Variants in C3orf20 observed in about 807,000 individuals in gnomAD.
The protein encoded by C3orf20 is uncharacterized protein C3orf20.
In C3orf20, 76 loss-of-function variants were observed where a neutral mutation model predicts 88.3. That is an observed-to-expected ratio of 0.86 (90% CI 0.72 to 1.04). The LOEUF is 1.04. C3orf20 is among the 50% of genes least tolerant of loss of function. The probability of loss-of-function intolerance (pLI) is 0.00; values close to 1 mark genes in which losing one functional copy is unlikely to be tolerated. For missense variants in C3orf20, 1,056 were observed against 1,123.3 expected (o/e 0.94, Z 0.86); for synonymous variants, 436 against 437.4 (o/e 1.00, Z 0.04).
In C3orf20 at chr3:14,771,225, C is replaced by G. The variant is rs199840919; in HGVS notation, c.2496-842C>G. On this transcript the variant is annotated intron_variant, in intron 15 of 16. Coordinates refer to ENST00000253697, the MANE Select transcript of C3orf20 (RefSeq NM_032137.5). ...TGATGCAGCAGGTCCTCACCAGGCA[C>G]TGAATCTGCAGGTTCCTTGATGACG... Among the ~76,000 whole-genome samples the G allele has an allele frequency of 4.6e-5, 7 of 152,368 alleles. No homozygotes were observed. The East Asian group carries it at 1.3e-3, about 29-fold the overall frequency.
Position 14,720,536 on chromosome 3 carries a change from T to G in C3orf20, c.1435-1117T>G, listed in dbSNP as rs531609292. On this transcript the variant is annotated intron_variant, in intron 9 of 16. Transcript: ENST00000253697. ...TGGAAGGAGCAAAGCAGAGAGTGGTTGTTGTTGTTGTTGTTGTTGTTGTTG... is the reference window on the plus strand; with the variant it reads ...TGGAAGGAGCAAAGCAGAGAGTGGTGGTTGTTGTTGTTGTTGTTGTTGTTG... 7.5e-3 allele frequency among the ~76,000 whole-genome samples: 38 copies of G among 5,084 alleles called. 1 individual carries two copies. Among genetic ancestry groups the G allele is most frequent in the South Asian group, 0.031 (6 of 196 alleles). The allele number at this position is 5,084 out of a possible 152,430, so 3.3% of individuals were successfully genotyped here. A position where few individuals can be genotyped will look rare whatever the true frequency, so the allele number is the denominator to read the frequency against.
intron 10 of C3orf20, among the ~76,000 whole-genome samples, chr3:14,726,105 A>G (rs1009446408): frequency 3.3e-5 from 5 of 152,232 alleles, no homozygotes; most frequent in African/African-American, 1.2e-4. Flanking sequence ...AGACTGTGGA[A>G]TGGAACCAAG....
rs2032151996 is a variant in C3orf20, at chr3:14,682,594, G to C, written c.-120G>C. 4.6e-6 allele frequency: 6 copies of C among 1,302,130 alleles called. No individual in the cohort carries two copies. The highest frequency in any genetic ancestry group is 6.3e-6 in the Non-Finnish European group (6 of 952,848). 80.7% of individuals were successfully genotyped at this position (1,302,130 alleles called of 1,614,324 possible). On this transcript the variant is annotated 5_prime_UTR_variant, in exon 3 of 17. An upstream start codon of the reference 5' UTR is lost. Coordinates refer to ENST00000253697, the MANE Select transcript of C3orf20 (RefSeq NM_032137.5). ...TCCGGATAGGAACCACTGGCTCAAT[G>C]ACCTGTAAGGGCCGTTTCAGCACAT...
chr3:14,759,879 C>A lies in C3orf20; in HGVS notation c.2245-12C>A, dbSNP rs753863330. 1.2e-6 allele frequency: 2 copies of A among 1,606,672 alleles called. No homozygotes were observed. Among genetic ancestry groups the A allele is most frequent in the South Asian group, 2.2e-5 (2 of 90,920 alleles). ...ATGGGGGTGACCAGTTCTCATATTTCTCTCCTGGTAGTGCCGGTATGACTC... is the reference window on the plus strand; with the variant it reads ...ATGGGGGTGACCAGTTCTCATATTTATCTCCTGGTAGTGCCGGTATGACTC... On this transcript the variant is annotated splice_polypyrimidine_tract_variant and intron_variant, in intron 13 of 16. Coordinates refer to ENST00000253697, the MANE Select transcript of C3orf20 (RefSeq NM_032137.5).
chr3:14,687,112 G>C (rs2032477584), intron 4 of C3orf20, among the ~76,000 whole-genome samples: 3 of 152,114 alleles, frequency 2.0e-5, no homozygotes, highest in Non-Finnish European at 2.9e-5. Flanking sequence ...ACTCCATGGA[G>C]AGAAAATAAA....
intron 1 of C3orf20, among the ~76,000 whole-genome samples, chr3:14,678,684 G>A (rs1242139651): frequency 1.3e-5 from 2 of 152,138 alleles, no homozygotes; most frequent in Non-Finnish European, 2.9e-5. Flanking sequence ...AGCCATCTGC[G>A]TGGGTCCCTT....
At chr3:14,707,248 CAA>C (rs10662478) in intron 7 of C3orf20, among the ~76,000 whole-genome samples, 1 of 93,766 alleles carries the variant, frequency 1.1e-5, no homozygotes, top group African/African-American at 4.5e-5. Context: ...GACTCCGTCT[CAA>C]AAAAAAAAAA....
chr3:14,770,072 G>T (rs574808716), intron 15 of C3orf20, among the ~76,000 whole-genome samples: 5 of 152,258 alleles, frequency 3.3e-5, no homozygotes, highest in African/African-American at 9.6e-5. Flanking sequence ...GCTCTAGGGG[G>T]GCCCTGGAGG....
In C3orf20 at chr3:14,714,046, ATGC is replaced by A; in HGVS notation, c.1204_1206del (p.Cys402del). 1 of 1,614,130 alleles carries A rather than the reference ATGC, an allele frequency of 6.2e-7. No homozygotes were observed. The highest frequency in any genetic ancestry group is 1.1e-5 in the South Asian group (1 of 91,080). On this transcript the variant is annotated inframe_deletion, in exon 8 of 17. Coordinates refer to ENST00000253697, the MANE Select transcript of C3orf20 (RefSeq NM_032137.5). ...ACGTCGCTGTATGTCAGATCCCCAC[ATGC>A]TGCAGAGGGAGAACCATCACCTGCC...
At chr3:14,722,589 G>A (rs1346205570) in intron 10 of C3orf20, 1 of 456,478 alleles carries the variant, frequency 2.2e-6, no homozygotes, top group East Asian at 6.9e-5. Flanking sequence ...CTCTCCCTCT[G>A]CTCAGCCCCC....
At chr3:14,745,842 A>G (rs1330808716) in intron 12 of C3orf20, among the ~76,000 whole-genome samples, 2 of 152,242 alleles carry the variant, frequency 1.3e-5, no homozygotes, top group African/African-American at 4.8e-5. Context: ...TATACATAAT[A>G]TAAAATTGAC....
rs556810516 is a variant in C3orf20 at position 14,736,352 on chromosome 3, A to C, written c.1940+7664A>C. 2.6e-5 allele frequency among the ~76,000 whole-genome samples: 4 copies of C among 151,066 alleles called. No individual in the cohort carries two copies. In the East Asian group the frequency reaches 7.8e-4, roughly 29 times the overall value. The stretch of plus-strand genomic sequence containing the variant: ...GTTGCCCAGGCTAGAGTGCAGTGGC[A>C]CAATCTCGGCTCACTGCAACCTCTG... On this transcript the variant is annotated intron_variant, in intron 12 of 16. Transcript: ENST00000253697.
chr3:14,720,533 GGTTGTTGTT>G (rs199995038), intron 9 of C3orf20, among the ~76,000 whole-genome samples: 14,447 of 149,140 alleles, frequency 0.097, 862 homozygotes, highest in African/African-American at 0.15. Flanking sequence ...AGCAGAGAGT[GGTTGTTGTT>G]GTTGTTGTTG....
In C3orf20 at chr3:14,745,326, C is replaced by T. The variant is rs551746883; in HGVS notation, c.1941-12045C>T. On this transcript the variant is annotated intron_variant, in intron 12 of 16. Transcript: ENST00000253697. ...TTATGCTCCTCTTTCCCTCTGATCT[C>T]CTGCTGGTGCCCCTACTGGCAAAAC... Among the ~76,000 whole-genome samples, 42 of 152,326 alleles carry T rather than the reference C, an allele frequency of 2.8e-4. 1 individual carries two copies. Among genetic ancestry groups the T allele is most frequent in the South Asian group, 8.3e-4 (4 of 4,826 alleles).
intron 11 of C3orf20, 115 bp downstream of exon 11, chr3:14,727,139 C>G: frequency 8.1e-7 from 1 of 1,234,066 alleles, no homozygotes; most frequent in Non-Finnish European, 1.2e-6. Context: ...CATCTTCAGT[C>G]TGAATGTCCA....
intron 5 of C3orf20, among the ~76,000 whole-genome samples, chr3:14,700,300 T>C (rs2033199549): frequency 6.6e-6 from 1 of 152,178 alleles, no homozygotes; most frequent in African/African-American, 2.4e-5. Context: ...GGGAGAACAA[T>C]CAGTAGAGCC....
intron 5 of C3orf20, among the ~76,000 whole-genome samples, chr3:14,696,935 AC>A (rs1254417155): frequency 6.6e-6 from 1 of 152,116 alleles, no homozygotes; most frequent in Non-Finnish European, 1.5e-5. Context: ...GGATATTTTC[AC>A]AAGATATACT....
rs1018689164 is a variant in C3orf20 at position 14,761,690 on chromosome 3, A to G, written c.2495+75A>G. ...GGGCAGAAAGGAGACTTGGGCTGTG[A>G]AAGGGGAACTGAGGGGAGCAGGCGG... On this transcript the variant is annotated intron_variant, in intron 15 of 16. Transcript: ENST00000253697. 1.6e-5 allele frequency: 25 copies of G among 1,542,626 alleles called. No homozygotes were observed. In the African/African-American group the frequency reaches 3.4e-4, roughly 21 times the overall value.
At position 14,768,726 on chromosome 3, in the gene C3orf20, G is replaced by A. The variant is rs1272328530; in HGVS notation, c.2496-3341G>A. On this transcript the variant is annotated intron_variant, in intron 15 of 16. Coordinates refer to ENST00000253697, the MANE Select transcript of C3orf20 (RefSeq NM_032137.5). This position sits in a 1 kb window ranked among gnomAD's most constrained non-coding sequence, Gnocchi z 4.1. Reference sequence around the variant, plus strand: ...AGTAGACCAGGGGCTCAGAAATAGTGGGCTAGCCGCAATACCATGGGGAGG... The same window carrying A: ...AGTAGACCAGGGGCTCAGAAATAGTAGGCTAGCCGCAATACCATGGGGAGG... Among the ~76,000 whole-genome samples the A allele has an allele frequency of 6.6e-6, 1 of 152,000 alleles. No homozygotes were observed. The highest frequency in any genetic ancestry group is 1.5e-5 in the Non-Finnish European group (1 of 68,032).
Sources: allele counts gnomAD v4.1 joint callset (sites outside exome capture counted in the v4.1 genomes callset), GRCh38; gene constraint gnomAD v4.1.1; non-coding constraint Gnocchi (gnomAD v3.1); transcripts MANE v1.5; gene names NCBI Gene and HGNC (gene_info 2026-07-23, HGNC 2026-07-21).